Variants in SOX6 observed in about 807,000 individuals in gnomAD.
The protein encoded by SOX6 is transcription factor SOX-6.
A neutral mutation model predicts 97.8 loss-of-function variants in SOX6; 11 were observed. The observed-to-expected ratio is 0.11, with a 90% CI of 0.07 to 0.19. SOX6 has a LOEUF of 0.19. Among genes scored for constraint, SOX6 ranks in the 10% least tolerant of loss-of-function variants. SOX6 has a pLI of 1.00. For missense variants in SOX6, 810 were observed against 1,039.5 expected, an observed-to-expected ratio of 0.78 and a Z score of 3.04; for synonymous variants, 360 against 371.4, an observed-to-expected ratio of 0.97 and a Z score of 0.35.
At chr11:16,322,425 C>T (rs1014865930) in intron 2 of SOX6, among the ~76,000 whole-genome samples, 1 of 152,090 alleles carries the variant, frequency 6.6e-6, no homozygotes, top group Non-Finnish European at 1.5e-5. Context: ...CTGAGGCCTC[C>T]CCAGCCATGC....
rs997174680 is a variant in SOX6, at chr11:16,265,925, AT to A, written c.446-31255del. 2.7e-5 allele frequency among the ~76,000 whole-genome samples: 4 copies of A among 146,644 alleles called. No homozygotes were observed. The South Asian group carries it at 6.5e-4, about 24-fold the overall frequency. On this transcript the variant is annotated intron_variant, in intron 3 of 15. Transcript: ENST00000683767. Reference sequence around the variant, plus strand: ...ATGCAGACAGAAAATGTAAAAAAAAATGAACAGAGCATCAGTAAGCTGTGAG... The same window carrying A: ...ATGCAGACAGAAAATGTAAAAAAAAAGAACAGAGCATCAGTAAGCTGTGAG...
At chr11:16,669,036 A>T (rs1847828488) in intron 3 of SOX6, among the ~76,000 whole-genome samples, 1 of 152,244 alleles carries the variant, frequency 6.6e-6, no homozygotes, top group African/African-American at 2.4e-5. Flanking sequence ...CTATAGAGCA[A>T]ATGGACCAAA....
At chr11:16,141,028 C>T (rs960535543) in intron 6 of SOX6, among the ~76,000 whole-genome samples, 1 of 151,822 alleles carries the variant, frequency 6.6e-6, no homozygotes, top group African/African-American at 2.4e-5. Flanking sequence ...ACAGGAGAAT[C>T]ACTTGAACCT....
At chr11:16,491,418 A>G (rs997395999) in intron 4 of SOX6, among the ~76,000 whole-genome samples, 1 of 152,160 alleles carries the variant, frequency 6.6e-6, no homozygotes, top group Non-Finnish European at 1.5e-5. Context: ...CATGGATTGG[A>G]AGACTCAAAA....
At chr11:16,675,314 T>A (rs1383191964) in intron 3 of SOX6, among the ~76,000 whole-genome samples, 1 of 152,110 alleles carries the variant, frequency 6.6e-6, no homozygotes, top group Admixed American at 6.6e-5. Flanking sequence ...CACATCCAGC[T>A]ATTTTTTTAA....
At position 16,125,646 on chromosome 11, in the gene SOX6, A is replaced by C. The variant is rs542197054; in HGVS notation, c.778-13723T>G. 7.2e-5 allele frequency among the ~76,000 whole-genome samples: 11 copies of C among 152,174 alleles called. No homozygotes were observed. The East Asian group carries it at 1.9e-3, about 27-fold the overall frequency. ...ACATTGTTTAGGACTAATAAGCAGC[A>C]ACCCAATACAATCAATAACTCAGTG... On this transcript the variant is annotated intron_variant, in intron 6 of 15. Coordinates refer to ENST00000683767, the MANE Select transcript of SOX6 (RefSeq NM_001367873.1).
intron 7 of SOX6, among the ~76,000 whole-genome samples, chr11:16,098,936 C>T (rs1848870365): frequency 1.3e-5 from 2 of 151,792 alleles, no homozygotes; most frequent in Non-Finnish European, 2.9e-5. Context: ...TCCTGCTTGC[C>T]ATATGAAATG....
chr11:16,284,760 T>C (rs1255902615), intron 3 of SOX6, among the ~76,000 whole-genome samples: 1 of 152,110 alleles, frequency 6.6e-6, no homozygotes, highest in Non-Finnish European at 1.5e-5. Context: ...CCTACGTCCA[T>C]ACCAAACCCA....
Position 16,322,989 on chromosome 11 carries a change from C to T in SOX6, c.238-4336G>A, listed in dbSNP as rs138796032. 3.4e-3 allele frequency among the ~76,000 whole-genome samples: 511 copies of T among 152,258 alleles called. 4 individuals carry two copies. The highest frequency in any genetic ancestry group is 0.012 in the African/African-American group (491 of 41,556). ...ACATGAACATCACAAAAAAGAAGAA[C>T]ATGTGGGCACTGAGTTAGTAAACAT... is the stretch of plus-strand genomic sequence containing the variant. On this transcript the variant is annotated intron_variant, in intron 2 of 15. Transcript: ENST00000683767.
chr11:16,149,673 C>T (rs1244080507), intron 6 of SOX6, among the ~76,000 whole-genome samples: 2 of 152,104 alleles, frequency 1.3e-5, no homozygotes, highest in East Asian at 3.9e-4. Context: ...ATGTCAATTC[C>T]TTTGACTAGA....
intron 6 of SOX6, among the ~76,000 whole-genome samples, chr11:16,163,396 T>C (rs188021756): frequency 4.6e-5 from 7 of 152,326 alleles, no homozygotes; most frequent in Non-Finnish European, 8.8e-5. Context: ...AATGAATTTA[T>C]TTAAAGGGAT....
rs1857078217 is a variant in SOX6 at position 16,356,452 on chromosome 11, A to G, written c.-363T>C. ...CTGCCACTGCTGCTACAGTTAAGCA[A>G]ACTTTACAAGCTAGTCAAGCCATCA... On this transcript the variant is annotated 5_prime_UTR_variant, in exon 1 of 16. Transcript: ENST00000683767. 6.6e-6 allele frequency among the ~76,000 whole-genome samples: 1 copy of G among 152,102 alleles called. No homozygotes were observed. The highest frequency in any genetic ancestry group is 1.5e-5 in the Non-Finnish European group (1 of 68,000).
At chr11:16,324,391 A>G (rs1467842104) in intron 2 of SOX6, among the ~76,000 whole-genome samples, 1 of 152,148 alleles carries the variant, frequency 6.6e-6, no homozygotes, top group Non-Finnish European at 1.5e-5. Context: ...AGTGATGAAT[A>G]ACTATAGGCA....
rs568254746 is a variant in SOX6 at position 16,731,159 on chromosome 11, T to C, written n.353+5180A>G. On this transcript the variant is annotated intron_variant and non_coding_transcript_variant, in intron 2 of 5. Transcript: ENST00000524520. ...ACCAGACAGATTCACAGCCGAATTC[T>C]ACCAGAGATACAAAGGGGAGCTGGT... Among the ~76,000 whole-genome samples the C allele has an allele frequency of 2.6e-5, 4 of 152,194 alleles. No homozygotes were observed. In the South Asian group the frequency reaches 8.4e-4, roughly 32 times the overall value.
At position 16,014,955 on chromosome 11, in the gene SOX6, T is replaced by C; in HGVS notation, c.1719A>G (p.Pro573=). ...AAAGCCACTCACCCTCTGCATCTTC[T>C]GGCCGAGTAAGGTCGATGACACCTG... The part of the protein sequence containing the change: ...LGPGVIDLTR[P]EDAEGSKAMN... The change falls in exon 13 of 16, where the codon CCA becomes CCG. Residue 573 remains proline, a synonymous_variant. Coordinates refer to ENST00000683767, the MANE Select transcript of SOX6 (RefSeq NM_001367873.1). 1 of 1,612,862 alleles carries C rather than the reference T, an allele frequency of 6.2e-7. No individual in the cohort carries two copies. The highest frequency in any genetic ancestry group is 8.5e-7 in the Non-Finnish European group (1 of 1,179,226).
Position 16,590,415 on chromosome 11 carries a change from A to C in SOX6, n.609+21666T>G, listed in dbSNP as rs368698557. ...ACTGGTGAAGTGGTTGTCCTAGCTG[A>C]ACTAAAGGAACAAAGGGATAAGATT... is the stretch of plus-strand genomic sequence containing the variant. On this transcript the variant is annotated intron_variant and non_coding_transcript_variant, in intron 4 of 5. Coordinates refer to the SOX6 transcript ENST00000524520. 2.6e-5 allele frequency among the ~76,000 whole-genome samples: 4 copies of C among 152,254 alleles called. No homozygotes were observed. In the South Asian group the frequency reaches 8.3e-4, roughly 32 times the overall value.
chr11:16,677,784 C>G (rs1220290617), intron 3 of SOX6, among the ~76,000 whole-genome samples: 2 of 152,088 alleles, frequency 1.3e-5, no homozygotes, highest in Non-Finnish European at 2.9e-5. Context: ...AGTATTATTT[C>G]TCCTTTAAAT....
At chr11:16,289,349 C>T (rs10766318) in intron 3 of SOX6, among the ~76,000 whole-genome samples, 118,563 of 151,730 alleles carry the variant, frequency 0.78, 46,456 homozygotes, top group Non-Finnish European at 0.8. Context: ...AAGTCTGGCA[C>T]ACTCTGGTAG....
intron 1 of SOX6, among the ~76,000 whole-genome samples, chr11:16,414,726 T>A (rs1435077322): frequency 1.3e-5 from 2 of 152,150 alleles, no homozygotes; most frequent in Admixed American, 1.3e-4. Flanking sequence ...TACAAGTAGC[T>A]AGGCCTTGAA....
Sources: allele counts gnomAD v4.1 joint callset (sites outside exome capture counted in the v4.1 genomes callset), GRCh38; gene constraint gnomAD v4.1.1; transcripts MANE v1.5; gene names NCBI Gene and HGNC (gene_info 2026-07-23, HGNC 2026-07-21).